Variants in SCUBE1 observed in about 807,000 individuals in gnomAD.
The protein encoded by SCUBE1 is signal peptide, CUB domain and EGF like domain containing 1, also known as signal peptide, CUB and EGF-like domain-containing protein 1.
A neutral mutation model predicts 124.4 loss-of-function variants in SCUBE1; 59 were observed. The observed-to-expected ratio is 0.47, with a 90% confidence interval of 0.38 to 0.59. SCUBE1 has a LOEUF of 0.59. Ranked by LOEUF, SCUBE1 falls within the 20% of genes least tolerant of loss-of-function variation. The pLI is 0.00. For missense variants in SCUBE1, 1,150 were observed against 1,371.2 expected (o/e 0.84, Z 2.55); for synonymous variants, 545 against 550.9 (o/e 0.99, Z 0.15).
At chr22:43,307,479 C>A (rs1926012615) in intron 3 of SCUBE1, among the ~76,000 whole-genome samples, 1 of 152,182 alleles carries the variant, frequency 6.6e-6, no homozygotes, top group African/African-American at 2.4e-5. Flanking sequence ...ACGACTGCAT[C>A]CTGCTGGGAC....
At chr22:43,219,472 A>C (rs1601805034) in intron 14 of SCUBE1, among the ~76,000 whole-genome samples, 1 of 148,244 alleles carries the variant, frequency 6.7e-6, no homozygotes, top group East Asian at 1.9e-4. Context: ...AATAGACTAA[A>C]ACATTTCCTT....
At chr22:43,231,034 A>C (rs1922530730) in intron 8 of SCUBE1, among the ~76,000 whole-genome samples, 1 of 151,874 alleles carries the variant, frequency 6.6e-6, no homozygotes, top group Admixed American at 6.6e-5. Flanking sequence ...GGGGTGCCCC[A>C]CCCCCTGCAC....
chr22:43,258,031 C>T lies in SCUBE1; in HGVS notation c.727+188G>A, dbSNP rs1923726840. 6.6e-6 allele frequency among the ~76,000 whole-genome samples: 1 copy of T among 152,094 alleles called. No homozygotes were observed. Among genetic ancestry groups the T allele is most frequent in the Non-Finnish European group, 1.5e-5 (1 of 68,030 alleles). ...TGGGGGGCTGCAGGCCCCAGAGAAGCCTCCCCAGAAAGCCTCCCCAGGGGC... is the reference window on the plus strand; with the variant it reads ...TGGGGGGCTGCAGGCCCCAGAGAAGTCTCCCCAGAAAGCCTCCCCAGGGGC... On this transcript the variant is annotated intron_variant, in intron 6 of 21. Coordinates refer to ENST00000360835, the MANE Select transcript of SCUBE1 (RefSeq NM_173050.5). The surrounding 1 kb of genome is among the most constrained non-coding windows in gnomAD (Gnocchi z 5.0).
At chr22:43,267,027 T>C (rs146371141) in intron 4 of SCUBE1, among the ~76,000 whole-genome samples, 55 of 152,306 alleles carry the variant, frequency 3.6e-4, no homozygotes, top group African/African-American at 1.3e-3. Flanking sequence ...GCTGGGAAGC[T>C]GAAACGAGGT....
At chr22:43,239,757 T>A (rs1922927330) in intron 6 of SCUBE1, among the ~76,000 whole-genome samples, 1 of 152,206 alleles carries the variant, frequency 6.6e-6, no homozygotes, top group Non-Finnish European at 1.5e-5. Context: ...CAGGCTTTTA[T>A]CTTGTGGAAG....
In SCUBE1 at chr22:43,212,506, G is replaced by A. The variant is rs771432795; in HGVS notation, c.2140C>T (p.Arg714Cys). The A allele has an allele frequency of 7.1e-6, 11 of 1,557,108 alleles. No individual in the cohort carries two copies. The highest frequency in any genetic ancestry group is 9.6e-6 in the Non-Finnish European group (11 of 1,150,726). The change falls in exon 17 of 22, where the codon CGC becomes TGC. Residue 714 changes from arginine to cysteine, a missense_variant. By Grantham distance (180) the Arg-to-Cys change is radical (BLOSUM62 -3). This residue lies in a region of SCUBE1 where 757 missense variants were observed against 840.9 expected (regional missense o/e 0.90). Transcript: ENST00000360835. ...PVGTYQPEPG[R>C]TGCFPCGGGL... ...CCTCCACAGGGGAAGCAGCCGGTGCGCCCGGGCTCAGGCTGGTACGTGCCC... is the reference window on the plus strand; with the variant it reads ...CCTCCACAGGGGAAGCAGCCGGTGCACCCGGGCTCAGGCTGGTACGTGCCC...
intron 2 of SCUBE1, among the ~76,000 whole-genome samples, chr22:43,325,444 T>A (rs1289274944): frequency 1.1e-5 from 1 of 89,484 alleles, no homozygotes; most frequent in Non-Finnish European, 2.0e-5. Flanking sequence ...ACTCCGTCTT[T>A]AAAAAAAAAA....
intron 9 of SCUBE1, 46 bp from the exon 10 acceptor site, chr22:43,227,542 G>A (rs780577598): frequency 7.5e-6 from 12 of 1,592,858 alleles, no homozygotes; most frequent in Non-Finnish European, 9.4e-6. Context: ...CTGGCGGCTG[G>A]CGGCTGGCAG....
At chr22:43,308,885 G>A (rs1926072763) in intron 3 of SCUBE1, among the ~76,000 whole-genome samples, 1 of 152,242 alleles carries the variant, frequency 6.6e-6, no homozygotes, top group Non-Finnish European at 1.5e-5. Context: ...CTCCGACTCT[G>A]AGAAATGAGA....
At chr22:43,311,397 G>C (rs890038969) in intron 3 of SCUBE1, among the ~76,000 whole-genome samples, 1 of 151,378 alleles carries the variant, frequency 6.6e-6, no homozygotes, top group East Asian at 1.9e-4. Context: ...TAGGTGGAAG[G>C]CTTTAGTATT....
At chr22:43,338,592 C>G (rs915144014) in intron 2 of SCUBE1, among the ~76,000 whole-genome samples, 1 of 152,120 alleles carries the variant, frequency 6.6e-6, no homozygotes, top group Non-Finnish European at 1.5e-5. Context: ...GTGGCGCCAT[C>G]TCGGCTCACT....
intron 3 of SCUBE1, among the ~76,000 whole-genome samples, chr22:43,317,851 T>C (rs1226027618): frequency 1.3e-5 from 2 of 152,174 alleles, no homozygotes. Flanking sequence ...ATGAGATTGT[T>C]AGGGTGGGCC....
chr22:43,285,094 A>C (rs1429831164), intron 4 of SCUBE1, among the ~76,000 whole-genome samples: 1 of 152,126 alleles, frequency 6.6e-6, no homozygotes, highest in Non-Finnish European at 1.5e-5. Flanking sequence ...CAGTGCATAA[A>C]ACCCCAGCAG....
chr22:43,259,299 T>C (rs374773230), intron 5 of SCUBE1, among the ~76,000 whole-genome samples: 39 of 152,130 alleles, frequency 2.6e-4, no homozygotes, highest in African/African-American at 8.9e-4. Flanking sequence ...AGGGCCTCAG[T>C]ATGGGGCGTG....
chr22:43,241,492 C>T (rs897218056), intron 6 of SCUBE1, among the ~76,000 whole-genome samples: 1 of 152,018 alleles, frequency 6.6e-6, no homozygotes, highest in Non-Finnish European at 1.5e-5. Context: ...TGGCTCCTTG[C>T]GGGCAGTGAC....
chr22:43,263,350 GA>G (rs1923943796), intron 4 of SCUBE1, among the ~76,000 whole-genome samples: 1 of 152,158 alleles, frequency 6.6e-6, no homozygotes, highest in Non-Finnish European at 1.5e-5. Flanking sequence ...GGCGTTTCTA[GA>G]ATTTATGAGG....
At chr22:43,251,060 A>C (rs543066149) in intron 6 of SCUBE1, among the ~76,000 whole-genome samples, 5 of 151,946 alleles carry the variant, frequency 3.3e-5, no homozygotes, top group African/African-American at 1.2e-4. Context: ...TGTGGGGGAG[A>C]CTCACTGGAA....
At chr22:43,306,106 G>A (rs912800247) in intron 3 of SCUBE1, among the ~76,000 whole-genome samples, 4 of 152,154 alleles carry the variant, frequency 2.6e-5, no homozygotes, top group African/African-American at 9.7e-5. Flanking sequence ...CGTCCAGGGC[G>A]ACCCCAAACG....
intron 4 of SCUBE1, among the ~76,000 whole-genome samples, chr22:43,263,295 C>T (rs1297345612): frequency 6.6e-6 from 1 of 152,226 alleles, no homozygotes; most frequent in African/African-American, 2.4e-5. Context: ...CTCATACCCC[C>T]TTCCGTTGAC....
Sources: gnomAD v4.1 joint callset for allele counts (sites outside exome capture counted in the v4.1 genomes callset) on GRCh38, gnomAD v4.1.1 for gene constraint, gnomAD v4.1.1 regional missense constraint, Gnocchi (gnomAD v3.1) non-coding constraint, MANE v1.5 for transcripts, NCBI Gene and HGNC (gene_info 2026-07-23, HGNC 2026-07-21) for gene names.